GALNT16: variants seen among roughly 807,000 people sequenced by gnomAD.
The protein encoded by GALNT16 is polypeptide N-acetylgalactosaminyltransferase 16.
A neutral mutation model predicts 76.1 loss-of-function variants in GALNT16; 40 were observed. The ratio of observed to expected loss-of-function variants is 0.53; its 90% CI spans 0.41 to 0.68. The LOEUF is 0.68. Among genes scored for constraint, GALNT16 ranks in the 30% least tolerant of loss-of-function variants. The probability of loss-of-function intolerance (pLI) is 0.00; values close to 1 mark genes in which losing one functional copy is unlikely to be tolerated. For missense variants in GALNT16, 621 were observed against 731.9 expected (o/e 0.85, Z 1.75); for synonymous variants, 276 against 285.2 (o/e 0.97, Z 0.32).
intron 1 of GALNT16, among the ~76,000 whole-genome samples, chr14:69,267,583 G>T (rs11844858): frequency 0.12 from 18,999 of 152,186 alleles, 1,994 homozygotes; most frequent in African/African-American, 0.29. Flanking sequence ...ATGTGAATTG[G>T]GCTGTTGCAG....
chr14:69,321,562 C>T (rs2045184671), intron 2 of GALNT16, among the ~76,000 whole-genome samples: 1 of 152,206 alleles, frequency 6.6e-6, no homozygotes, highest in African/African-American at 2.4e-5. Flanking sequence ...GCACCACCCC[C>T]CGCTCCCCAT....
intron 12 of GALNT16, among the ~76,000 whole-genome samples, chr14:69,345,644 T>C (rs2045551300): frequency 6.6e-6 from 1 of 150,822 alleles, no homozygotes; most frequent in South Asian, 2.1e-4. Flanking sequence ...AACTCAGGTA[T>C]GCAAGCCTGC....
At position 69,342,474 on chromosome 14, in the gene GALNT16, A is replaced by AAGGGAGGGAGGGAGGG. The variant is rs571084496; in HGVS notation, c.1271+730_1271+745dup. ...GGGAGGGAAGGTGGAAGAAGGAAGG[A>AAGGGAGGGAGGGAGGG]AGGGAGGGAGGGAGGGAGGGAGGGA... is the stretch of plus-strand genomic sequence containing the variant. On this transcript the variant is annotated intron_variant, in intron 12 of 14. Transcript: ENST00000448469. Among the ~76,000 whole-genome samples, 6 of 31,490 alleles carry AAGGGAGGGAGGGAGGG rather than the reference A, an allele frequency of 1.9e-4. 1 individual carries two copies. The highest frequency in any genetic ancestry group is 7.2e-4 in the African/African-American group (6 of 8,372). 20.7% of individuals were successfully genotyped at this position (31,490 alleles called of 152,430 possible). A position where few individuals can be genotyped will look rare whatever the true frequency, so the allele number is the denominator to read the frequency against.
intron 14 of GALNT16, chr14:69,350,496 A>C (rs2045621541): frequency 6.6e-6 from 1 of 152,296 alleles, no homozygotes; most frequent in African/African-American, 2.4e-5. Flanking sequence ...ATGAAGAAAC[A>C]GGAGGGGGGA....
chr14:69,383,166 A>C, the GALNT16 span, among the ~76,000 whole-genome samples: 1 of 152,260 alleles, frequency 6.6e-6, no homozygotes, highest in Non-Finnish European at 1.5e-5. Flanking sequence ...TAAAAAACAT[A>C]CAGATCAGAA....
At chr14:69,275,373 A>G (rs2044458758) in intron 1 of GALNT16, among the ~76,000 whole-genome samples, 1 of 152,130 alleles carries the variant, frequency 6.6e-6, no homozygotes, top group East Asian at 1.9e-4. Flanking sequence ...ATTGATCAGT[A>G]TATATATATA....
At chr14:69,297,292 C>T (rs1254949094) in intron 1 of GALNT16, among the ~76,000 whole-genome samples, 1 of 152,224 alleles carries the variant, frequency 6.6e-6, no homozygotes, top group African/African-American at 2.4e-5. Context: ...TTCCTATTGC[C>T]TCACCAATAG....
intron 1 of GALNT16, among the ~76,000 whole-genome samples, chr14:69,317,776 AG>A (rs1193155028): frequency 1.3e-5 from 2 of 152,198 alleles, no homozygotes; most frequent in African/African-American, 2.4e-5. Flanking sequence ...TGAGATGCCA[AG>A]TTAGGGGCAC....
intron 1 of GALNT16, among the ~76,000 whole-genome samples, chr14:69,278,970 C>T (rs1197128325): frequency 6.7e-6 from 1 of 149,994 alleles, no homozygotes; most frequent in African/African-American, 2.5e-5. Context: ...TCACTCTTGT[C>T]GCCGAGGCTG....
chr14:69,315,954 C>CA (rs372865269), intron 1 of GALNT16, among the ~76,000 whole-genome samples: 22 of 148,232 alleles, frequency 1.5e-4, no homozygotes, highest in East Asian at 5.9e-4. Context: ...GCAGTGCTGG[C>CA]AAAAAAAAAA....
chr14:69,263,337 C>T (rs994489352), intron 1 of GALNT16, among the ~76,000 whole-genome samples: 2 of 152,232 alleles, frequency 1.3e-5, no homozygotes, highest in African/African-American at 4.8e-5. Context: ...CTTCTGCAGG[C>T]ATTGAATGCT....
At chr14:69,264,493 A>G (rs1478728520) in intron 1 of GALNT16, among the ~76,000 whole-genome samples, 1 of 152,170 alleles carries the variant, frequency 6.6e-6, no homozygotes, top group East Asian at 1.9e-4. Context: ...GGAACCCTTG[A>G]GGCCTCGCAG....
chr14:69,380,544 C>T, the GALNT16 span: 40 of 1,134,992 alleles, frequency 3.5e-5, no homozygotes, highest in Admixed American at 9.3e-5. Context: ...ACAATTATTT[C>T]CCAGCCTGTT....
chr14:69,271,603 G>C (rs66964608), intron 1 of GALNT16, among the ~76,000 whole-genome samples: 12,937 of 152,290 alleles, frequency 0.085, 1,145 homozygotes, highest in East Asian at 0.45. Flanking sequence ...TGGCCACCGA[G>C]TGCTTGGAAT....
chr14:69,335,406 C>T (rs142787892), intron 9 of GALNT16, among the ~76,000 whole-genome samples: 1 of 152,204 alleles, frequency 6.6e-6, no homozygotes, highest in Non-Finnish European at 1.5e-5. Flanking sequence ...CCAAGTGACC[C>T]GCTTTGTGTC....
chr14:69,378,419 T>C, the GALNT16 span, among the ~76,000 whole-genome samples: 1 of 152,216 alleles, frequency 6.6e-6, no homozygotes, highest in East Asian at 1.9e-4. Flanking sequence ...CTGTTTTACT[T>C]GTGGTTGGGG....
At position 69,338,675 on chromosome 14, in the gene GALNT16, G is replaced by A; in HGVS notation, c.992G>A (p.Cys331Tyr). ...NFELSFRVWMCGGSLEIVPCS... is the reference protein window; with the variant it reads ...NFELSFRVWMYGGSLEIVPCS... ...GAGCTCTCCTTCAGGGTGTGGATGT[G>A]TGGTGGCAGTCTGGAGATCGTCCCC... is the stretch of plus-strand genomic sequence containing the variant. The change falls in exon 10 of 15, where the codon TGT becomes TAT. Residue 331 changes from cysteine (C) to tyrosine (Y), a missense_variant. Cys to Tyr is a radical substitution (Grantham distance 194, BLOSUM62 -2). Coordinates refer to ENST00000448469, the MANE Select transcript of GALNT16 (RefSeq NM_001168368.2). 6.2e-7 allele frequency: 1 copy of A among 1,613,636 alleles called. No homozygotes were observed. The highest frequency in any genetic ancestry group is 8.5e-7 in the Non-Finnish European group (1 of 1,179,828).
intron 1 of GALNT16, among the ~76,000 whole-genome samples, chr14:69,298,289 TCTAG>T (rs1468232416): frequency 6.6e-6 from 1 of 152,194 alleles, no homozygotes; most frequent in African/African-American, 2.4e-5. Context: ...AGGATTCTGT[TCTAG>T]CTGTGTGTGG....
chr14:69,268,099 G>T (rs936529656), intron 1 of GALNT16, among the ~76,000 whole-genome samples: 1 of 152,168 alleles, frequency 6.6e-6, no homozygotes, highest in Non-Finnish European at 1.5e-5. Context: ...CCTGCCCGCT[G>T]TACTAGAAGC....
Sources: allele counts gnomAD v4.1 joint callset (sites outside exome capture counted in the v4.1 genomes callset), GRCh38; gene constraint gnomAD v4.1.1; transcripts MANE v1.5; gene names NCBI Gene and HGNC (gene_info 2026-07-23, HGNC 2026-07-21).